The following RBAK variants were observed in gnomAD, a reference collection of about 807,000 sequenced individuals.
The protein encoded by RBAK is RB-associated KRAB zinc finger protein.
A neutral mutation model predicts 65.8 loss-of-function variants in RBAK; 39 were observed. That is an observed-to-expected ratio of 0.59 (90% confidence interval 0.46 to 0.77). The LOEUF (loss-of-function observed/expected upper bound fraction) is 0.77. Ranked by LOEUF, RBAK falls within the 30% of genes least tolerant of loss-of-function variation. The probability of loss-of-function intolerance (pLI) is 0.00; values close to 1 mark genes in which losing one functional copy is unlikely to be tolerated. For synonymous variants in RBAK, 343 were observed against 289.7 expected (o/e 1.18, Z -1.87); for missense variants, 884 against 855.1 (o/e 1.03, Z -0.42).
At chr7:5,057,079 A>C in intron 2 of RBAK, 1 of 203,648 alleles carries the variant, frequency 4.9e-6, no homozygotes, top group Non-Finnish European at 8.6e-6. Context: ...TATATTTTTT[A>C]TATATATTAT....
At chr7:5,049,608 CAAACTGATACTTTCTCCAT>C (rs1431054296) in intron 2 of RBAK, among the ~76,000 whole-genome samples, 1 of 152,178 alleles carries the variant, frequency 6.6e-6, no homozygotes, top group Non-Finnish European at 1.5e-5. Context: ...CTGTTACTTC[CAAACTGATACTTTCTCCAT>C]GGAGTCTCTC....
chr7:5,061,089 A>G (rs542754102), intron 4 of RBAK, among the ~76,000 whole-genome samples: 1 of 152,344 alleles, frequency 6.6e-6, no homozygotes, highest in South Asian at 2.1e-4. Flanking sequence ...TAAGTCAGCA[A>G]ATTGAAAGAA....
chr7:5,062,650 C>A (rs922955418), intron 4 of RBAK, among the ~76,000 whole-genome samples: 4 of 152,200 alleles, frequency 2.6e-5, no homozygotes, highest in African/African-American at 7.2e-5. Context: ...GCAGTAATTT[C>A]CTCTTCCTAA....
chr7:5,057,812 G>A (rs753051061), intron 4 of RBAK, 33 bp downstream of exon 4: 1 of 1,612,666 alleles, frequency 6.2e-7, no homozygotes, highest in Non-Finnish European at 8.5e-7. Flanking sequence ...GTTAAAAAAT[G>A]CTCATCCCAG....
chr7:5,046,286 C>T lies in RBAK; in HGVS notation c.-155C>T, dbSNP rs1462315957. 2 of 516,470 alleles carry T rather than the reference C, an allele frequency of 3.9e-6. No individual in the cohort carries two copies. The highest frequency in any genetic ancestry group is 7.7e-6 in the Non-Finnish European group (2 of 259,650). The allele number at this position is 516,470 out of a possible 1,614,324, so 32.0% of individuals were successfully genotyped here. On this transcript the variant is annotated 5_prime_UTR_variant, in exon 1 of 5. Coordinates refer to ENST00000396912, the MANE Select transcript of RBAK (RefSeq NM_021163.4). ...CCCGGGCCCCTCGGGAGCAGAACAA[C>T]CTTAGTGAGGTGGACAGGAGGGGAC... is the stretch of plus-strand genomic sequence containing the variant.
intron 4 of RBAK, among the ~76,000 whole-genome samples, chr7:5,062,098 A>G (rs1779089536): frequency 1.3e-5 from 2 of 152,282 alleles, no homozygotes; most frequent in South Asian, 2.1e-4. Flanking sequence ...CGTAGTCTTG[A>G]TATGAAGTGA....
Position 5,068,627 on chromosome 7 carries a change from A to T in RBAK, c.*3026A>T, listed in dbSNP as rs1461468889. On this transcript the variant is annotated 3_prime_UTR_variant, in exon 5 of 5. Coordinates refer to ENST00000396912, the MANE Select transcript of RBAK (RefSeq NM_021163.4). The stretch of plus-strand genomic sequence containing the variant: ...CTGTACACTACTGGTGGAATTGCTC[A>T]TCGATAAAACCATTTTGAAAGCTGG... The T allele has an allele frequency of 6.6e-6, 1 of 152,266 alleles. No homozygotes were observed. Among genetic ancestry groups the T allele is most frequent in the Non-Finnish European group, 1.5e-5 (1 of 68,046 alleles). 9.4% of individuals were successfully genotyped at this position (152,266 alleles called of 1,614,324 possible).
Position 5,065,586 on chromosome 7 carries a change from T to G in RBAK, c.2130T>G (p.Asp710Glu), listed in dbSNP as rs1428565212. The stretch of plus-strand genomic sequence containing the variant: ...GAAGAGGAAATATGAACGTACTTGA[T>G]GTGGAAAATCTCTGAAGTCAGATCT... ...IHRRGNMNVL[D>E]VENL is the part of the protein sequence containing the mutation. Residue 710 changes from aspartate (D) to glutamate (E), a missense_variant, in exon 5 of 5, where the codon GAT (aspartate) becomes GAG (glutamate). Transcript: ENST00000396912. This position sits in a 1 kb window ranked among gnomAD's most constrained non-coding sequence, Gnocchi z 5.3. 1 of 1,520,766 alleles carries G rather than the reference T, an allele frequency of 6.6e-7. No homozygotes were observed. Among genetic ancestry groups the G allele is most frequent in the South Asian group, 1.4e-5 (1 of 73,774 alleles). 94.2% of individuals were successfully genotyped at this position (1,520,766 alleles called of 1,614,324 possible). A position where few individuals can be genotyped will look rare whatever the true frequency, so the allele number is the denominator to read the frequency against.
At position 5,063,898 on chromosome 7, in the gene RBAK, T is replaced by G; in HGVS notation, c.442T>G (p.Ser148Ala). 6.2e-7 allele frequency: 1 copy of G among 1,614,078 alleles called. No homozygotes were observed. Among genetic ancestry groups the G allele is most frequent in the Non-Finnish European group, 8.5e-7 (1 of 1,179,968 alleles). Residue 148 changes from serine to alanine, a missense_variant, in exon 5 of 5, where the codon TCG becomes GCG. Physicochemically the swap from Ser to Ala is moderately conservative, Grantham distance 99 (BLOSUM62 1). Coordinates refer to ENST00000396912, the MANE Select transcript of RBAK (RefSeq NM_021163.4). Reference sequence around the variant, plus strand: ...ATGTGGAAAGAATTTAGAATCTATTTCGCAATTAATTAGTAGTGATGGAAG... The same window carrying G: ...ATGTGGAAAGAATTTAGAATCTATTGCGCAATTAATTAGTAGTGATGGAAG... ...VSCGKNLESI[S>A]QLISSDGSYA...
intron 2 of RBAK, among the ~76,000 whole-genome samples, chr7:5,051,619 G>C (rs1485894450): frequency 6.6e-6 from 1 of 152,104 alleles, no homozygotes; most frequent in Non-Finnish European, 1.5e-5. Context: ...ATTGCCTTTA[G>C]TTTTCATGCT....
In RBAK at chr7:5,063,870, C is replaced by G; in HGVS notation, c.414C>G (p.Val138=). The stretch of plus-strand genomic sequence containing the variant: ...CAAGCATAATAGCTCATAATTGTGT[C>G]TCATGTGGAAAGAATTTAGAATCTA... ...VPSSIIAHNC[V]SCGKNLESIS... Residue 138 remains valine (V), a synonymous_variant, in exon 5 of 5, where the codon GTC becomes GTG. Transcript: ENST00000396912. 1 of 1,613,932 alleles carries G rather than the reference C, an allele frequency of 6.2e-7. No homozygotes were observed. The highest frequency in any genetic ancestry group is 8.5e-7 in the Non-Finnish European group (1 of 1,179,974).
In RBAK at chr7:5,068,242, T is replaced by C. The variant is rs889309586; in HGVS notation, c.*2641T>C. 1 of 152,062 alleles carries C rather than the reference T, an allele frequency of 6.6e-6. No individual in the cohort carries two copies. The highest frequency in any genetic ancestry group is 2.4e-5 in the African/African-American group (1 of 41,396). The allele number at this position is 152,062 out of a possible 1,614,324, so 9.4% of individuals were successfully genotyped here. On this transcript the variant is annotated 3_prime_UTR_variant, in exon 5 of 5. Transcript: ENST00000396912. The stretch of plus-strand genomic sequence containing the variant: ...CTTTGCTATTGTGTGAAAGCATCCA[T>C]ACACCATGCATTAAAAAAAAAATGA...
Position 5,064,131 on chromosome 7 carries a change from A to G in RBAK, c.675A>G (p.Arg225=), listed in dbSNP as rs777777046. ...AGGCTGTTTTTATTGCTCATAAGAG[A>G]GCTTACATAGGGGAGAAGCCCTATG... ...DNEAVFIAHK[R]AYIGEKPYEW... Residue 225 remains arginine (R), a synonymous_variant, in exon 5 of 5, where the codon AGA becomes AGG. Transcript: ENST00000396912. The surrounding 1 kb of genome is among the most constrained non-coding windows in gnomAD (Gnocchi z 6.3). 1 of 1,613,966 alleles carries G rather than the reference A, an allele frequency of 6.2e-7. No individual in the cohort carries two copies. The highest frequency in any genetic ancestry group is 8.5e-7 in the Non-Finnish European group (1 of 1,180,008).
In RBAK at chr7:5,063,946, G is replaced by C. The variant is rs777008550; in HGVS notation, c.490G>C (p.Glu164Gln). Residue 164 changes from glutamate (E) to glutamine (Q), a missense_variant, in exon 5 of 5, where the codon GAG becomes CAG. Physicochemically the swap from Glu to Gln is conservative, Grantham distance 29 (BLOSUM62 2). Coordinates refer to ENST00000396912, the MANE Select transcript of RBAK (RefSeq NM_021163.4). ...DGSYARTKPD[E>Q]CNECGKTYHG... ...AAGCTATGCTAGGACAAAACCTGAT[G>C]AGTGTAATGAATGTGGGAAAACATA... 6.2e-7 allele frequency: 1 copy of C among 1,614,028 alleles called. No individual in the cohort carries two copies. Among genetic ancestry groups the C allele is most frequent in the South Asian group, 1.1e-5 (1 of 91,050 alleles).
chr7:5,052,201 A>G (rs1044628166), intron 2 of RBAK, among the ~76,000 whole-genome samples: 1 of 152,122 alleles, frequency 6.6e-6, no homozygotes, highest in Admixed American at 6.6e-5. Context: ...CATGCATGGT[A>G]TATCTTATTC....
chr7:5,065,467 A>G lies in RBAK; in HGVS notation c.2011A>G (p.Arg671Gly). 3.7e-6 allele frequency: 6 copies of G among 1,606,716 alleles called. No homozygotes were observed. The highest frequency in any genetic ancestry group is 5.1e-6 in the Non-Finnish European group (6 of 1,173,724). Residue 671 changes from arginine to glycine, a missense_variant, in exon 5 of 5, where the codon AGA becomes GGA. Transcript: ENST00000396912. The surrounding 1 kb of genome is among the most constrained non-coding windows in gnomAD (Gnocchi z 5.3). ...SQKSYLTVHYRTHSGEKPYEC... is the reference protein window; with the variant it reads ...SQKSYLTVHYGTHSGEKPYEC... ...GAAGTCATACCTCACTGTACACTAT[A>G]GAACTCATTCAGGAGAGAAACCCTA...
chr7:5,061,516 C>T (rs1779071193), intron 4 of RBAK, among the ~76,000 whole-genome samples: 4 of 148,680 alleles, frequency 2.7e-5, no homozygotes, highest in Admixed American at 2.0e-4. Context: ...GTCTTAAACT[C>T]CTGAGCTCAG....
At chr7:5,051,015 A>G (rs114051193) in intron 2 of RBAK, among the ~76,000 whole-genome samples, 3,420 of 152,316 alleles carry the variant, frequency 0.022, 132 homozygotes, top group African/African-American at 0.075. Context: ...GGGTTTAAAC[A>G]GATAGTAAAT....
In RBAK at chr7:5,067,046, C is replaced by T. The variant is rs556907167; in HGVS notation, c.*1445C>T. 1 of 152,192 alleles carries T rather than the reference C, an allele frequency of 6.6e-6. No homozygotes were observed. The highest frequency in any genetic ancestry group is 2.1e-4 in the South Asian group (1 of 4,816). 9.4% of individuals were successfully genotyped at this position (152,192 alleles called of 1,614,324 possible). A position where few individuals can be genotyped will look rare whatever the true frequency, so the allele number is the denominator to read the frequency against. Reference sequence around the variant, plus strand: ...TTAGCAAATGATGGATTGAAAGGGACTTACTTAACTGCATAAAGAGACTTA... The same window carrying T: ...TTAGCAAATGATGGATTGAAAGGGATTTACTTAACTGCATAAAGAGACTTA... On this transcript the variant is annotated 3_prime_UTR_variant, in exon 5 of 5. Coordinates refer to ENST00000396912, the MANE Select transcript of RBAK (RefSeq NM_021163.4).
Sources: allele counts gnomAD v4.1 joint callset (sites outside exome capture counted in the v4.1 genomes callset), GRCh38; gene constraint gnomAD v4.1.1; non-coding constraint Gnocchi (gnomAD v3.1); transcripts MANE v1.5; gene names NCBI Gene and HGNC (gene_info 2026-07-23, HGNC 2026-07-21).